Variants in PI4K2B observed in about 807,000 individuals in gnomAD.
PI4K2B encodes phosphatidylinositol 4-kinase type 2-beta.
In PI4K2B, 46 loss-of-function variants were observed where a neutral mutation model predicts 56.6. The ratio of observed to expected loss-of-function variants is 0.81; its 90% confidence interval spans 0.64 to 1.04. The LOEUF (loss-of-function observed/expected upper bound fraction) is 1.04. Among genes scored for constraint, PI4K2B ranks in the 50% least tolerant of loss-of-function variants. The pLI, the probability that PI4K2B is intolerant of heterozygous loss-of-function variation, is 0.00. For synonymous variants in PI4K2B, 211 were observed against 223.8 expected (o/e 0.94, Z 0.51); for missense variants, 556 against 607.7 (o/e 0.91, Z 0.89).
intron 1 of PI4K2B, among the ~76,000 whole-genome samples, chr4:25,245,309 C>T (rs546916474): frequency 6.6e-5 from 10 of 152,206 alleles, no homozygotes; most frequent in South Asian, 2.1e-4. Context: ...GGACTAACCT[C>T]GGAGAAGAGA....
intron 1 of PI4K2B, among the ~76,000 whole-genome samples, chr4:25,241,460 C>T (rs1001690908): frequency 1.3e-5 from 2 of 152,166 alleles, no homozygotes; most frequent in Non-Finnish European, 1.5e-5. Context: ...CAGTCATGCT[C>T]GATTGGTTCC....
intron 2 of PI4K2B, among the ~76,000 whole-genome samples, chr4:25,253,163 T>C (rs1048732746): frequency 6.6e-6 from 1 of 152,012 alleles, no homozygotes; most frequent in Non-Finnish European, 1.5e-5. Flanking sequence ...AAGTACTTGA[T>C]TTTTTTTCAA....
Position 25,234,464 on chromosome 4 carries a change from C to T in PI4K2B, c.268+33C>T, listed in dbSNP as rs964576815. The T allele has an allele frequency of 4.8e-6, 6 of 1,247,350 alleles. 1 individual carries two copies. The South Asian group carries it at 1.8e-4, about 37-fold the overall frequency. 77.3% of individuals were successfully genotyped at this position (1,247,350 alleles called of 1,614,324 possible). On this transcript the variant is annotated intron_variant, in intron 1 of 9. Transcript: ENST00000264864. ...CCGGCCCTGCCCCACTCCCCGCGCC[C>T]CTCCGGGCGGCTGCCCCTGTCGCCC...
intron 9 of PI4K2B, 194 bp from the exon 10 acceptor site, chr4:25,276,820 C>CGTGTGT (rs891793056): frequency 1.3e-6 from 1 of 799,602 alleles, no homozygotes; most frequent in South Asian, 5.8e-5. Context: ...TGTGTGTGCG[C>CGTGTGT]GTGTGTGTGT....
At chr4:25,254,448 C>G (rs1379020257) in intron 2 of PI4K2B, 6 of 386,674 alleles carry the variant, frequency 1.6e-5, no homozygotes, top group Non-Finnish European at 1.8e-5. Flanking sequence ...GAGTCTCGCT[C>G]TGTCACCCAG....
In PI4K2B at chr4:25,255,144, A is replaced by G. The variant is rs1716212493; in HGVS notation, c.503A>G (p.Lys168Arg). 3 of 1,613,972 alleles carry G rather than the reference A, an allele frequency of 1.9e-6. No homozygotes were observed. Among genetic ancestry groups the G allele is most frequent in the Non-Finnish European group, 2.5e-6 (3 of 1,179,816 alleles). The change falls in exon 3 of 10, where the codon AAG (lysine) becomes AGG (arginine). Residue 168 changes from lysine to arginine, a missense_variant. Lys to Arg is a conservative substitution (Grantham distance 26, BLOSUM62 2). Transcript: ENST00000264864. ...LNPKWTKYVH[K>R]VCCPCCFGRG... The stretch of plus-strand genomic sequence containing the variant: ...CCAAAATGGACCAAATATGTCCATA[A>G]GGTCTGCTGCCCTTGCTGCTTTGGC...
intron 4 of PI4K2B, among the ~76,000 whole-genome samples, chr4:25,257,211 C>G (rs949265919): frequency 5.9e-5 from 9 of 151,386 alleles, no homozygotes; most frequent in Admixed American, 3.9e-4. Context: ...GTGCACACCA[C>G]CACACCTGAC....
chr4:25,256,564 A>T lies in PI4K2B; in HGVS notation c.646A>T (p.Thr216Ser), dbSNP rs1190169231. ...KTKVVWLVSE[T>S]FNYNAIDRAK... The stretch of plus-strand genomic sequence containing the variant: ...CTAGGTGGTTTGGCTTGTCAGTGAG[A>T]CATTTAACTATAATGCGATTGACCG... Residue 216 changes from threonine (T) to serine (S), a missense_variant, in exon 4 of 10, where the codon ACA (threonine) becomes TCA (serine). Transcript: ENST00000264864. 1 of 1,613,348 alleles carries T rather than the reference A, an allele frequency of 6.2e-7. No individual in the cohort carries two copies. Among genetic ancestry groups the T allele is most frequent in the Non-Finnish European group, 8.5e-7 (1 of 1,179,772 alleles).
In PI4K2B at chr4:25,252,400, A is replaced by G. The variant is rs1489088431; in HGVS notation, c.348A>G (p.Ala116=). The G allele has an allele frequency of 1.2e-6, 2 of 1,609,714 alleles. No homozygotes were observed. Among genetic ancestry groups the G allele is most frequent in the Non-Finnish European group, 1.7e-6 (2 of 1,176,066 alleles). The part of the protein sequence containing the change: ...FADIMLRAEQ[A]IEVGIFPERI... ...ATATTATGCTGAGAGCAGAGCAAGC[A>G]ATAGAAGTTGGAATTTTTCCAGAAA... is the stretch of plus-strand genomic sequence containing the variant. The change falls in exon 2 of 10, where the codon GCA becomes GCG. Residue 116 remains alanine (A), a synonymous_variant. Transcript: ENST00000264864.
At position 25,256,627 on chromosome 4, in the gene PI4K2B, G is replaced by C. The variant is rs1716272299; in HGVS notation, c.709G>C (p.Val237Leu). The C allele has an allele frequency of 1.9e-6, 3 of 1,613,908 alleles. No individual in the cohort carries two copies. The highest frequency in any genetic ancestry group is 2.5e-6 in the Non-Finnish European group (3 of 1,179,922). Reference sequence around the variant, plus strand: ...AGGCAAAAAGTATGCTTTAGAAAAAGTGCCAAAAGTGGGTAGAAAGTTTCA... The same window carrying C: ...AGGCAAAAAGTATGCTTTAGAAAAACTGCCAAAAGTGGGTAGAAAGTTTCA... ...SRGKKYALEK[V>L]PKVGRKFHRI... The change falls in exon 4 of 10, where the codon GTG becomes CTG. Residue 237 changes from valine (V) to leucine (L), a missense_variant. Transcript: ENST00000264864.
chr4:25,267,867 A>T (rs1165991597), intron 7 of PI4K2B: 1 of 983,556 alleles, frequency 1.0e-6, no homozygotes, highest in Admixed American at 6.2e-5. Flanking sequence ...TCTGTGTACA[A>T]GTAAGTGGTC....
rs1218858375 is a variant in PI4K2B, at chr4:25,278,020, C to T, written c.*833C>T. 2 of 152,118 alleles carry T rather than the reference C, an allele frequency of 1.3e-5. No homozygotes were observed. Among genetic ancestry groups the T allele is most frequent in the Non-Finnish European group, 1.5e-5 (1 of 67,996 alleles). 9.4% of individuals were successfully genotyped at this position (152,118 alleles called of 1,614,324 possible). ...ATTTAGTACTTCAATTAGTATTAAACTTCACTAAAAAGTAAACCATACTCC... is the reference window on the plus strand; with the variant it reads ...ATTTAGTACTTCAATTAGTATTAAATTTCACTAAAAAGTAAACCATACTCC... On this transcript the variant is annotated 3_prime_UTR_variant, in exon 10 of 10. Transcript: ENST00000264864.
intron 7 of PI4K2B, among the ~76,000 whole-genome samples, chr4:25,266,206 C>T (rs1716658936): frequency 1.3e-5 from 2 of 152,144 alleles, no homozygotes; most frequent in Middle Eastern, 3.2e-3. Context: ...CCCCCTCTGT[C>T]ATCTAGGCTG....
chr4:25,243,401 C>T (rs1316153417), intron 1 of PI4K2B, among the ~76,000 whole-genome samples: 8 of 152,210 alleles, frequency 5.3e-5, no homozygotes, highest in South Asian at 2.1e-4. Flanking sequence ...CAAGCCCTAC[C>T]GGGTGATTGG....
At chr4:25,237,377 AG>A (rs1715309608) in intron 1 of PI4K2B, among the ~76,000 whole-genome samples, 1 of 150,732 alleles carries the variant, frequency 6.6e-6, no homozygotes, top group Non-Finnish European at 1.5e-5. Context: ...GGGTGGCTGT[AG>A]GGGTGGCAGT....
In PI4K2B at chr4:25,234,285, G is replaced by A; in HGVS notation, c.122G>A (p.Gly41Asp). ...PRIAWAHPRR[G>D]APGSAVRLLD... is the part of the protein sequence containing the mutation. Reference sequence around the variant, plus strand: ...ATCGCCTGGGCCCACCCGCGGAGAGGCGCCCCAGGCAGCGCCGTGAGGCTG... The same window carrying A: ...ATCGCCTGGGCCCACCCGCGGAGAGACGCCCCAGGCAGCGCCGTGAGGCTG... Residue 41 changes from glycine to aspartate, a missense_variant, in exon 1 of 10, where the codon GGC (glycine) becomes GAC (aspartate). Gly to Asp is a moderately conservative substitution (Grantham distance 94). Transcript: ENST00000264864. 7.0e-7 allele frequency: 1 copy of A among 1,419,796 alleles called. No homozygotes were observed. Among genetic ancestry groups the A allele is most frequent in the Admixed American group, 2.6e-5 (1 of 38,954 alleles). 87.9% of individuals were successfully genotyped at this position (1,419,796 alleles called of 1,614,324 possible).
chr4:25,247,456 T>A (rs908868823), intron 1 of PI4K2B, among the ~76,000 whole-genome samples: 4 of 152,242 alleles, frequency 2.6e-5, no homozygotes, highest in Non-Finnish European at 5.9e-5. Flanking sequence ...ATTAGATGGA[T>A]GCCTGTTCAC....
In PI4K2B at chr4:25,277,255, A is replaced by G. The variant is rs571384331; in HGVS notation, c.*68A>G. The G allele has an allele frequency of 1.4e-6, 2 of 1,480,962 alleles. No homozygotes were observed. Among genetic ancestry groups the G allele is most frequent in the African/African-American group, 2.8e-5 (2 of 72,664 alleles). The allele number at this position is 1,480,962 out of a possible 1,614,324, so 91.7% of individuals were successfully genotyped here. A position where few individuals can be genotyped will look rare whatever the true frequency, so the allele number is the denominator to read the frequency against. On this transcript the variant is annotated 3_prime_UTR_variant, in exon 10 of 10. Transcript: ENST00000264864. ...GTTTTTAAAACATCATAGTAATATA[A>G]ATCTGCTGTTAGGAGCTCCAGTTGC...
At chr4:25,270,296 A>G (rs1433769082) in intron 9 of PI4K2B, among the ~76,000 whole-genome samples, 21 of 152,038 alleles carry the variant, frequency 1.4e-4, no homozygotes, top group Non-Finnish European at 1.5e-5. Context: ...ATTGTAACTC[A>G]GTCCTCTCCC....
Sources: allele counts gnomAD v4.1 joint callset (sites outside exome capture counted in the v4.1 genomes callset), GRCh38; gene constraint gnomAD v4.1.1; transcripts MANE v1.5; gene names NCBI Gene and HGNC (gene_info 2026-07-23, HGNC 2026-07-21).